The following FRMPD4 variants were observed in gnomAD, a reference collection of about 807,000 sequenced individuals.
FRMPD4 encodes FERM and PDZ domain containing 4, also known as FERM and PDZ domain-containing protein 4.
In FRMPD4, 22 loss-of-function variants were observed where a neutral mutation model predicts 94.1. The observed-to-expected ratio is 0.23, with a 90% CI of 0.17 to 0.33. The LOEUF (loss-of-function observed/expected upper bound fraction) is 0.33, where lower values mean the gene tolerates loss of function less well. Ranked by LOEUF, FRMPD4 falls within the 10% of genes least tolerant of loss-of-function variation. The pLI is 1.00. For missense variants in FRMPD4, 1,111 were observed against 1,339.9 expected (o/e 0.83, Z 2.67); for synonymous variants, 631 against 548.6 (o/e 1.15, Z -2.10).
At chrX:12,221,454 A>C (rs1322474197) in intron 1 of FRMPD4, among the ~76,000 whole-genome samples, 1 of 112,697 alleles carries the variant, frequency 8.9e-6, no homozygotes, top group Non-Finnish European at 1.9e-5. Flanking sequence ...TACAATGCAC[A>C]GAACCTTGTC....
At chrX:12,499,184 G>A (rs1028299790) in intron 2 of FRMPD4, among the ~76,000 whole-genome samples, 1 of 111,368 alleles carries the variant, frequency 9.0e-6, no homozygotes, top group African/African-American at 3.3e-5. Context: ...TTTTCTAGGA[G>A]TGGTCAAGAC....
chrX:12,598,868 A>G (rs1397636912), intron 2 of FRMPD4, among the ~76,000 whole-genome samples: 1 of 101,736 alleles, frequency 9.8e-6, no homozygotes, highest in East Asian at 3.0e-4. Context: ...TTATGTAATC[A>G]CTTCTTAAAA....
At chrX:12,115,131 G>A (rs1402826685) in intron 3 of FRMPD4, among the ~76,000 whole-genome samples, 2 of 112,359 alleles carry the variant, frequency 1.8e-5, no homozygotes, top group Non-Finnish European at 3.8e-5. Context: ...GGTGGTATCA[G>A]AATAAAATAT....
intron 1 of FRMPD4, among the ~76,000 whole-genome samples, chrX:12,179,125 T>C (rs1441337448): frequency 8.9e-6 from 1 of 111,903 alleles, no homozygotes; most frequent in Non-Finnish European, 1.9e-5. Flanking sequence ...CTATTGGTTC[T>C]TTTCCACATC....
chrX:12,691,855 G>A (rs1193549081), intron 8 of FRMPD4, among the ~76,000 whole-genome samples: 1 of 109,895 alleles, frequency 9.1e-6, no homozygotes, highest in African/African-American at 3.3e-5. Context: ...GAGGGAGCTG[G>A]GACATGTGCC....
At chrX:11,849,000 A>G (rs1035780870) in intron 1 of FRMPD4, among the ~76,000 whole-genome samples, 2 of 111,480 alleles carry the variant, frequency 1.8e-5, no homozygotes, top group Non-Finnish European at 3.8e-5. Flanking sequence ...CCAAATTGGA[A>G]GACAAGAAGG....
At chrX:12,554,862 A>G (rs2058578282) in intron 2 of FRMPD4, among the ~76,000 whole-genome samples, 1 of 111,514 alleles carries the variant, frequency 9.0e-6, no homozygotes, top group East Asian at 2.8e-4. Flanking sequence ...TGATCCACCA[A>G]TCTTGATTGC....
intron 1 of FRMPD4, among the ~76,000 whole-genome samples, chrX:12,189,672 T>A (rs1324933900): frequency 2.7e-5 from 3 of 111,680 alleles, no homozygotes; most frequent in African/African-American, 9.7e-5. Context: ...CACATGATCA[T>A]ATCAATAAAT....
chrX:12,048,827 T>G (rs1226956913), intron 3 of FRMPD4, among the ~76,000 whole-genome samples: 3 of 111,514 alleles, frequency 2.7e-5, no homozygotes, highest in African/African-American at 9.8e-5. Context: ...GATTCTCTAT[T>G]TTGTTCCATT....
chrX:12,269,364 T>C (rs2147841776), intron 1 of FRMPD4, among the ~76,000 whole-genome samples: 1 of 99,631 alleles, frequency 1.0e-5, no homozygotes, highest in African/African-American at 3.7e-5. Context: ...AAAAAAAAAA[T>C]CTTCCTGGAA....
chrX:12,133,824 G>C (rs201011524), upstream of FRMPD4, among the ~76,000 whole-genome samples: 15 of 111,491 alleles, frequency 1.3e-4, no homozygotes, highest in East Asian at 2.5e-3. Context: ...CTTCCCTCAA[G>C]AGTGGTCATT....
At chrX:12,213,658 T>C (rs1343089704) in intron 1 of FRMPD4, among the ~76,000 whole-genome samples, 1 of 112,135 alleles carries the variant, frequency 8.9e-6, no homozygotes, top group Non-Finnish European at 1.9e-5. Context: ...CTGAATTTCT[T>C]GAAAAATAGC....
chrX:12,106,776 C>G (rs1427218998), intron 3 of FRMPD4, among the ~76,000 whole-genome samples: 2 of 111,640 alleles, frequency 1.8e-5, no homozygotes, highest in East Asian at 2.8e-4. Flanking sequence ...CAGAGGGTCC[C>G]ACACCCACGG....
At chrX:12,499,836 C>T (rs1602031332) in intron 2 of FRMPD4, among the ~76,000 whole-genome samples, 1 of 111,624 alleles carries the variant, frequency 9.0e-6, no homozygotes, top group Admixed American at 9.5e-5. Flanking sequence ...TTATGAACAT[C>T]GGTGTACAAG....
At chrX:12,588,497 G>A (rs759597007) in intron 2 of FRMPD4, among the ~76,000 whole-genome samples, 104 of 112,367 alleles carry the variant, frequency 9.3e-4, no homozygotes, top group Non-Finnish European at 1.4e-3. Context: ...AGTCGATAAA[G>A]GTGACATTAT....
intron 3 of FRMPD4, among the ~76,000 whole-genome samples, chrX:11,942,499 A>G (rs2054166218): frequency 9.0e-6 from 1 of 111,634 alleles, no homozygotes; most frequent in Non-Finnish European, 1.9e-5. Context: ...AGTAAAATTA[A>G]GGGTGACGTA....
intron 3 of FRMPD4, among the ~76,000 whole-genome samples, chrX:12,061,378 T>G (rs2054885310): frequency 8.9e-6 from 1 of 111,939 alleles, no homozygotes; most frequent in African/African-American, 3.2e-5. Context: ...TCTACTCTGT[T>G]TTCAGGGCTT....
intron 1 of FRMPD4, among the ~76,000 whole-genome samples, chrX:12,360,492 A>T (rs2055968996): frequency 9.0e-6 from 1 of 111,719 alleles, no homozygotes; most frequent in African/African-American, 3.3e-5. Flanking sequence ...GGGGGAAAAA[A>T]GATGAAAAAA....
intron 1 of FRMPD4, among the ~76,000 whole-genome samples, chrX:12,339,396 C>A (rs2055575227): frequency 9.0e-6 from 1 of 111,478 alleles, no homozygotes; most frequent in Non-Finnish European, 1.9e-5. Flanking sequence ...ATTGTGTATT[C>A]TTTGCTTTTT....
Sources: allele counts gnomAD v4.1 joint callset (sites outside exome capture counted in the v4.1 genomes callset), GRCh38; gene constraint gnomAD v4.1.1; transcripts MANE v1.5; gene names NCBI Gene and HGNC (gene_info 2026-07-23, HGNC 2026-07-21).